CERT1: variants seen among roughly 807,000 people sequenced by gnomAD.
CERT1 encodes ceramide transporter 1.
Under a neutral mutation model 87.9 loss-of-function variants are expected in CERT1, and 31 were observed. The observed-to-expected ratio is 0.35, with a 90% CI of 0.27 to 0.48. The LOEUF (loss-of-function observed/expected upper bound fraction) is 0.48. Among genes scored for constraint, CERT1 ranks in the 20% least tolerant of loss-of-function variants. The pLI is 0.99. For synonymous variants in CERT1, 289 were observed against 250.9 expected (o/e 1.15, Z -1.44); for missense variants, 487 against 758.0 (o/e 0.64, Z 4.20).
chr5:75,490,600 G>A (rs1476584257), intron 2 of CERT1, among the ~76,000 whole-genome samples: 1 of 151,966 alleles, frequency 6.6e-6, no homozygotes, highest in East Asian at 1.9e-4. Flanking sequence ...CTGGGTTCAT[G>A]CCCTTCTCCT....
intron 1 of CERT1, among the ~76,000 whole-genome samples, chr5:75,510,757 C>G (rs1767917737): frequency 6.6e-6 from 1 of 152,134 alleles, no homozygotes; most frequent in Admixed American, 6.5e-5. Context: ...TTAAGAGGTC[C>G]GACTTGAACC....
At chr5:75,394,528 G>T (rs1272175039) in intron 11 of CERT1, among the ~76,000 whole-genome samples, 1 of 151,914 alleles carries the variant, frequency 6.6e-6, no homozygotes, top group Admixed American at 6.6e-5. Context: ...TAGCAGCCTG[G>T]GCAACACAGT....
chr5:75,510,249 G>T (rs953638322), intron 1 of CERT1, among the ~76,000 whole-genome samples: 4 of 151,880 alleles, frequency 2.6e-5, no homozygotes, highest in African/African-American at 9.7e-5. Flanking sequence ...AAGGGAGAGA[G>T]AAGTCAAAAA....
At chr5:75,399,745 T>A (rs1162202371) in intron 10 of CERT1, among the ~76,000 whole-genome samples, 2 of 152,174 alleles carry the variant, frequency 1.3e-5, no homozygotes, top group East Asian at 3.8e-4. Flanking sequence ...CAGAACAAAA[T>A]TTCTAACTGT....
chr5:75,412,415 G>A (rs190194198), intron 7 of CERT1, among the ~76,000 whole-genome samples: 2 of 152,284 alleles, frequency 1.3e-5, no homozygotes, highest in Admixed American at 6.5e-5. Context: ...TCTGAAGAGC[G>A]TGATCATCAA....
chr5:75,487,374 T>G (rs1561297575), intron 2 of CERT1, among the ~76,000 whole-genome samples: 2 of 152,024 alleles, frequency 1.3e-5, no homozygotes, highest in African/African-American at 2.4e-5. Context: ...AACTCTGAAA[T>G]TACTAAAAGA....
intron 11 of CERT1, among the ~76,000 whole-genome samples, 190 bp downstream of exon 11, chr5:75,399,120 T>A (rs554373277): frequency 6.6e-6 from 1 of 152,340 alleles, no homozygotes; most frequent in South Asian, 2.1e-4. Context: ...CTGTGAATAG[T>A]AAAGGACACA....
intron 4 of CERT1, among the ~76,000 whole-genome samples, chr5:75,426,142 G>GT (rs978450277): frequency 1.3e-5 from 2 of 152,066 alleles, no homozygotes; most frequent in South Asian, 2.1e-4. Context: ...CTTTGAACCA[G>GT]TTTTTTTATA....
At chr5:75,428,877 A>C (rs1166916046) in intron 3 of CERT1, among the ~76,000 whole-genome samples, 1 of 151,982 alleles carries the variant, frequency 6.6e-6, no homozygotes, top group African/African-American at 2.4e-5. Context: ...CTTGTGTCCT[A>C]TTATCTCTTC....
At chr5:75,400,086 C>T (rs374220691) in intron 10 of CERT1, 119 bp downstream of exon 10, 102 of 696,352 alleles carry the variant, frequency 1.5e-4, no homozygotes, top group East Asian at 1.3e-3. Context: ...GAGCCGAGAT[C>T]GCGCCACTGC....
At chr5:75,429,193 T>G (rs187189048) in intron 3 of CERT1, among the ~76,000 whole-genome samples, 1 of 147,166 alleles carries the variant, frequency 6.8e-6, no homozygotes, top group African/African-American at 2.5e-5. Context: ...ATAATAATAA[T>G]AATAATTATT....
intron 5 of CERT1, among the ~76,000 whole-genome samples, chr5:75,425,113 G>A (rs528107523): frequency 6.6e-6 from 1 of 152,206 alleles, no homozygotes; most frequent in African/African-American, 2.4e-5. Context: ...ATGAAACCAT[G>A]TCTCAACAAA....
At chr5:75,499,862 G>T (rs1767261740) in intron 2 of CERT1, among the ~76,000 whole-genome samples, 1 of 152,118 alleles carries the variant, frequency 6.6e-6, no homozygotes. Flanking sequence ...GTTACGGGTT[G>T]AACTGTGCCC....
chr5:75,508,236 T>G (rs1334378916), intron 1 of CERT1, among the ~76,000 whole-genome samples: 1 of 152,184 alleles, frequency 6.6e-6, no homozygotes, highest in East Asian at 1.9e-4. Flanking sequence ...AAGTTACTTA[T>G]TCTCTTTGTG....
At chr5:75,442,251 C>T (rs1395046562) in intron 3 of CERT1, among the ~76,000 whole-genome samples, 1 of 152,196 alleles carries the variant, frequency 6.6e-6, no homozygotes, top group East Asian at 1.9e-4. Flanking sequence ...CTTCAGAGGA[C>T]TCCCTTAAGC....
intron 5 of CERT1, among the ~76,000 whole-genome samples, chr5:75,420,374 T>C (rs1763322086): frequency 6.7e-6 from 1 of 149,574 alleles, no homozygotes; most frequent in African/African-American, 2.5e-5. Flanking sequence ...GGCGGAGTCT[T>C]GCTCTGTCGC....
chr5:75,372,639 A>G (rs1403323222), intron 17 of CERT1: 1 of 152,228 alleles, frequency 6.6e-6, no homozygotes, highest in Non-Finnish European at 1.5e-5. Flanking sequence ...TATGTTTTAT[A>G]TGTATTTTTC....
chr5:75,437,730 C>T (rs1387012529), intron 3 of CERT1, among the ~76,000 whole-genome samples: 3 of 146,778 alleles, frequency 2.0e-5, no homozygotes, highest in Admixed American at 6.9e-5. Context: ...TGTACCACTG[C>T]ACTCCAGCCT....
chr5:75,501,709 T>C (rs1767379011), intron 2 of CERT1, among the ~76,000 whole-genome samples: 1 of 152,138 alleles, frequency 6.6e-6, no homozygotes, highest in Non-Finnish European at 1.5e-5. Context: ...GACCGTAATA[T>C]ATGATGAAAG....
Sources: allele counts gnomAD v4.1 joint callset (sites outside exome capture counted in the v4.1 genomes callset), GRCh38; gene constraint gnomAD v4.1.1; transcripts MANE v1.5; gene names NCBI Gene and HGNC (gene_info 2026-07-23, HGNC 2026-07-21).